PARVB: variants seen among roughly 807,000 people sequenced by gnomAD.
The protein encoded by PARVB is beta-parvin.
In PARVB, 46 loss-of-function variants were observed where a neutral mutation model predicts 47.0. The ratio of observed to expected loss-of-function variants is 0.98; its 90% CI spans 0.77 to 1.25. The LOEUF is 1.25. Among genes scored for constraint, PARVB ranks in the 50% most tolerant of loss-of-function variants. The pLI is 0.00. For synonymous variants in PARVB, 196 were observed against 196.3 expected (o/e 1.00, Z 0.01); for missense variants, 473 against 471.6 (o/e 1.00, Z -0.03).
chr22:44,062,718 G>T (rs2146961743), intron 1 of PARVB, among the ~76,000 whole-genome samples: 1 of 152,296 alleles, frequency 6.6e-6, no homozygotes, highest in African/African-American at 2.4e-5. Context: ...AAGGGTGCAG[G>T]TGAGCAGAAC....
chr22:44,108,551 C>G (rs141787913), intron 3 of PARVB: 1 of 152,244 alleles, frequency 6.6e-6, no homozygotes, highest in African/African-American at 2.4e-5. Context: ...TGGGTGCAGG[C>G]GGGCTGAGTC....
intron 1 of PARVB, chr22:43,999,502 G>A (rs150395637): frequency 1.0e-5 from 16 of 1,561,252 alleles, no homozygotes; most frequent in African/African-American, 6.8e-5. Context: ...AACTGGATCC[G>A]ACAAACAAAA....
At chr22:44,142,503 G>C (rs2053575196) in intron 8 of PARVB, 1 of 151,874 alleles carries the variant, frequency 6.6e-6, no homozygotes, top group African/African-American at 2.4e-5. Context: ...CCTTGTTGGA[G>C]GTTTAGGGAA....
Position 44,131,534 on chromosome 22 carries a change from G to C in PARVB, c.424G>C (p.Glu142Gln), listed in dbSNP as rs183013426. 6.2e-7 allele frequency: 1 copy of C among 1,614,122 alleles called. No homozygotes were observed. Among genetic ancestry groups the C allele is most frequent in the Non-Finnish European group, 8.5e-7 (1 of 1,180,014 alleles). ...GAATGTGGCTGAGGTGACACAGTCC[G>C]AAATAGGGCAGAAACAGAAGCTGCA... Reference protein sequence around the residue: ...KLNVAEVTQSEIGQKQKLQTV... With the variant: ...KLNVAEVTQSQIGQKQKLQTV... The change falls in exon 5 of 13, where the codon GAA becomes CAA. Residue 142 changes from glutamate (E) to glutamine (Q), a missense_variant. Physicochemically the swap from Glu to Gln is conservative, Grantham distance 29. Coordinates refer to ENST00000338758, the MANE Select transcript of PARVB (RefSeq NM_013327.5).
intron 2 of PARVB, among the ~76,000 whole-genome samples, chr22:44,009,869 G>A (rs558290016): frequency 6.7e-6 from 1 of 148,938 alleles, no homozygotes; most frequent in Non-Finnish European, 1.5e-5. Flanking sequence ...GTGCGGCGGC[G>A]TGATCTCAGC....
At chr22:44,086,694 A>G (rs1360725926) in intron 1 of PARVB, 16 of 941,612 alleles carry the variant, frequency 1.7e-5, no homozygotes, top group Non-Finnish European at 2.0e-5. Context: ...CTGAGCTGCA[A>G]GATCTTCACT....
intron 2 of PARVB, among the ~76,000 whole-genome samples, chr22:44,012,323 CAA>C (rs1453834831): frequency 1.3e-5 from 2 of 152,152 alleles, no homozygotes; most frequent in East Asian, 3.8e-4. Context: ...CTGATGCTTC[CAA>C]AATCATTTGA....
intron 1 of PARVB, chr22:44,081,715 T>G (rs897794266): frequency 2.8e-5 from 19 of 682,324 alleles, no homozygotes; most frequent in African/African-American, 3.9e-5. Context: ...TCGGTGGGGC[T>G]CATTGTGCAG....
At chr22:44,101,424 TA>T (rs1569113990) in intron 3 of PARVB, among the ~76,000 whole-genome samples, 2 of 136,912 alleles carry the variant, frequency 1.5e-5, no homozygotes, top group South Asian at 2.2e-4. Flanking sequence ...AAATAAAAAA[TA>T]AAAAATAAAA....
intron 1 of PARVB, among the ~76,000 whole-genome samples, chr22:44,080,622 A>G (rs777626830): frequency 6.6e-6 from 1 of 152,208 alleles, no homozygotes; most frequent in Non-Finnish European, 1.5e-5. Context: ...TTGCCATGCA[A>G]AGTCACAGTT....
At chr22:44,091,253 G>T (rs1048350569) in intron 1 of PARVB, among the ~76,000 whole-genome samples, 1 of 150,288 alleles carries the variant, frequency 6.7e-6, no homozygotes, top group Non-Finnish European at 1.5e-5. Context: ...GCTGGAATGT[G>T]GGTTACCTGG....
intron 3 of PARVB, chr22:44,109,097 C>G (rs2052631688): frequency 6.6e-6 from 1 of 152,194 alleles, no homozygotes; most frequent in South Asian, 2.1e-4. Context: ...CTCCCTTTGT[C>G]TCTCCGAAGA....
At chr22:44,156,241 G>C (rs1451452354) in intron 10 of PARVB, among the ~76,000 whole-genome samples, 1 of 151,580 alleles carries the variant, frequency 6.6e-6, no homozygotes, top group East Asian at 1.9e-4. Context: ...AAAGGTCAGG[G>C]CTTCTGATAT....
chr22:44,066,804 C>CCTTCTCCTCCTCCTT (rs1555898502), intron 1 of PARVB, among the ~76,000 whole-genome samples: 1 of 131,086 alleles, frequency 7.6e-6, no homozygotes, highest in African/African-American at 3.0e-5. Flanking sequence ...TCCTCCTCCT[C>CCTTCTCCTCCTCCTT]CTCCTCCTCC....
chr22:44,133,158 G>A, intron 6 of PARVB, 149 bp downstream of exon 6: 1 of 553,556 alleles, frequency 1.8e-6, no homozygotes, highest in Non-Finnish European at 3.2e-6. Flanking sequence ...GTCTCACCCT[G>A]GCTCCGAGAT....
chr22:44,139,110 G>A (rs541807924), intron 7 of PARVB: 1 of 152,334 alleles, frequency 6.6e-6, no homozygotes, highest in East Asian at 1.9e-4. Flanking sequence ...CTGGCCTCGT[G>A]GTTCTCCAGG....
intron 11 of PARVB, among the ~76,000 whole-genome samples, chr22:44,159,983 G>A (rs993836037): frequency 3.9e-5 from 6 of 152,206 alleles, no homozygotes; most frequent in Non-Finnish European, 8.8e-5. Flanking sequence ...TGCTGTCCCC[G>A]AGGGTAGTAA....
chr22:44,154,269 C>G lies in PARVB; in HGVS notation c.843+2718C>G, dbSNP rs147264980. On this transcript the variant is annotated intron_variant, in intron 10 of 12. Transcript: ENST00000338758. Reference sequence around the variant, plus strand: ...AAAGTACATTTAACCACTGGTCCCCCAGAAAAGGTCGCTGGTTACAGAAAT... The same window carrying G: ...AAAGTACATTTAACCACTGGTCCCCGAGAAAAGGTCGCTGGTTACAGAAAT... 2.1e-3 allele frequency among the ~76,000 whole-genome samples: 327 copies of G among 152,352 alleles called. 10 individuals are homozygous for G. The East Asian group carries it at 0.054, about 25-fold the overall frequency.
At chr22:44,007,117 G>T (rs141625276) in intron 2 of PARVB, among the ~76,000 whole-genome samples, 1 of 152,332 alleles carries the variant, frequency 6.6e-6, no homozygotes, top group East Asian at 1.9e-4. Flanking sequence ...TCATTCAACC[G>T]TTTGGGGGAC....
Sources: gnomAD v4.1 joint callset for allele counts (sites outside exome capture counted in the v4.1 genomes callset) on GRCh38, gnomAD v4.1.1 for gene constraint, MANE v1.5 for transcripts, NCBI Gene and HGNC (gene_info 2026-07-23, HGNC 2026-07-21) for gene names.